Variants in KBTBD3 observed in about 807,000 individuals in gnomAD.
The protein encoded by KBTBD3 is kelch repeat and BTB domain-containing protein 3.
In KBTBD3, 38 loss-of-function variants were observed where a neutral mutation model predicts 49.6. The ratio of observed to expected loss-of-function variants is 0.77; its 90% CI spans 0.59 to 1.00. The LOEUF is 1.00. Ranked by LOEUF, KBTBD3 falls within the 50% of genes least tolerant of loss-of-function variation. The pLI, the probability that KBTBD3 is intolerant of heterozygous loss-of-function variation, is 0.00. For missense variants in KBTBD3, 661 were observed against 712.0 expected (o/e 0.93, Z 0.81); for synonymous variants, 214 against 250.4 (o/e 0.85, Z 1.37).
intron 2 of KBTBD3, among the ~76,000 whole-genome samples, chr11:106,075,233 A>G (rs113396173): frequency 2.4e-4 from 36 of 152,322 alleles, no homozygotes; most frequent in African/African-American, 8.7e-4. Flanking sequence ...CCAATGCAGT[A>G]AAAAATATTT....
chr11:106,060,163 T>C (rs1016485859), intron 2 of KBTBD3, among the ~76,000 whole-genome samples: 321 of 144,120 alleles, frequency 2.2e-3, no homozygotes, highest in African/African-American at 7.7e-3. Flanking sequence ...GTTTTTTTTT[T>C]CTGAGAACAC....
chr11:106,064,212 G>C (rs1860760104), intron 2 of KBTBD3, among the ~76,000 whole-genome samples: 1 of 152,040 alleles, frequency 6.6e-6, no homozygotes, highest in Admixed American at 6.6e-5. Flanking sequence ...ATTTGTGCCA[G>C]CCTCCCTAAC....
intron 2 of KBTBD3, among the ~76,000 whole-genome samples, chr11:106,067,642 G>A (rs773308842): frequency 2.0e-5 from 3 of 149,084 alleles, no homozygotes; most frequent in Non-Finnish European, 4.5e-5. Flanking sequence ...AAGAGATAAC[G>A]TTCATAAGTC....
chr11:106,062,230 A>G (rs775502516), intron 2 of KBTBD3, among the ~76,000 whole-genome samples: 4 of 152,162 alleles, frequency 2.6e-5, no homozygotes, highest in Non-Finnish European at 5.9e-5. Context: ...AGATAATGAA[A>G]GGCTTGGAGG....
Position 106,053,683 on chromosome 11 carries a change from T to C in KBTBD3, c.1006A>G (p.Ser336Gly). The part of the protein sequence containing the change: ...QSHLIDLPGS[S>G]LSSYGEKIFL... ...ATTTTCTCTCCGTAACTCGAAAGACTAGATCCTGGCAAATCAATCAGGTGT... is the reference window on the plus strand; with the variant it reads ...ATTTTCTCTCCGTAACTCGAAAGACCAGATCCTGGCAAATCAATCAGGTGT... The change falls in exon 4 of 4, where the codon AGT becomes GGT. Residue 336 changes from serine to glycine, a missense_variant. Ser to Gly is a moderately conservative substitution (Grantham distance 56). Coordinates refer to ENST00000531837, the MANE Select transcript of KBTBD3 (RefSeq NM_198439.3). 1.2e-6 allele frequency: 2 copies of C among 1,613,794 alleles called. No homozygotes were observed. Among genetic ancestry groups the C allele is most frequent in the South Asian group, 2.2e-5 (2 of 91,070 alleles).
At chr11:106,059,902 C>A (rs149693692) in intron 2 of KBTBD3, among the ~76,000 whole-genome samples, 13 of 152,136 alleles carry the variant, frequency 8.5e-5, no homozygotes, top group African/African-American at 2.9e-4. Flanking sequence ...AACCTTGATT[C>A]GACATTTCTG....
chr11:106,061,783 C>CAT (rs201469615), intron 2 of KBTBD3, among the ~76,000 whole-genome samples: 10 of 151,326 alleles, frequency 6.6e-5, no homozygotes, highest in South Asian at 4.2e-4. Context: ...TGTCTCTCTC[C>CAT]ATATATATAT....
intron 2 of KBTBD3, among the ~76,000 whole-genome samples, chr11:106,074,115 C>A (rs910740974): frequency 1.0e-3 from 86 of 83,790 alleles, no homozygotes; most frequent in Admixed American, 3.5e-3. Flanking sequence ...GCCGAACACC[C>A]CCCCCCACAC....
chr11:106,065,607 C>T (rs1394319789), intron 2 of KBTBD3, among the ~76,000 whole-genome samples: 3 of 151,948 alleles, frequency 2.0e-5, no homozygotes, highest in African/African-American at 7.3e-5. Context: ...AGGGAGAGAA[C>T]GGATTAGAGT....
chr11:106,058,742 G>GT (rs534533044), intron 3 of KBTBD3, 123 bp downstream of exon 3: 60,267 of 452,564 alleles, frequency 0.13, 52 homozygotes, highest in South Asian at 0.19. Context: ...TTTTGTTTTT[G>GT]TTTTTTTTTT....
intron 3 of KBTBD3, 58 bp downstream of exon 3, chr11:106,058,807 T>A: frequency 1.0e-6 from 1 of 993,606 alleles, no homozygotes; most frequent in East Asian, 2.6e-5. Context: ...GAGTGCAGTA[T>A]AAAATAGAAC....
At chr11:106,054,806 A>C (rs1339650457) in intron 3 of KBTBD3, among the ~76,000 whole-genome samples, 1 of 152,034 alleles carries the variant, frequency 6.6e-6, no homozygotes, top group East Asian at 1.9e-4. Context: ...AATTAGTAAC[A>C]GCTGTGCTGG....
At chr11:106,057,365 T>C (rs1314936103) in intron 3 of KBTBD3, 3 of 152,230 alleles carry the variant, frequency 2.0e-5, no homozygotes, top group African/African-American at 7.2e-5. Flanking sequence ...TTATTGGAGA[T>C]TTAAACCCTG....
intron 2 of KBTBD3, among the ~76,000 whole-genome samples, chr11:106,070,901 A>G (rs895487084): frequency 4.0e-5 from 6 of 151,882 alleles, no homozygotes; most frequent in Admixed American, 2.0e-4. Flanking sequence ...GTTGATACAC[A>G]TAATTTAGAT....
rs200554904 is a variant in KBTBD3, at chr11:106,052,906, G to A, written c.1783C>T (p.Gln595Ter). Reference sequence around the variant, plus strand: ...CTGTATTTATTAAACTGAATCACCTGGCAGTAAAATTCTGTTAAGGCTCTA... The same window carrying A: ...CTGTATTTATTAAACTGAATCACCTAGCAGTAAAATTCTGTTAAGGCTCTA... The part of the protein sequence containing the change: ...MPRALTEFYC[Q>*]VIQFNKYRDP... The change falls in exon 4 of 4, where the codon CAG becomes TAG. Residue 595 changes from glutamine to a stop codon, truncating the protein, a stop_gained. Transcript: ENST00000531837. LOFTEE classifies it high-confidence loss of function. 17 of 1,613,406 alleles carry A rather than the reference G, an allele frequency of 1.1e-5. No homozygotes were observed. Among genetic ancestry groups the A allele is most frequent in the Non-Finnish European group, 1.7e-6 (2 of 1,179,530 alleles).
At position 106,077,315 on chromosome 11, in the gene KBTBD3, C is replaced by G. The variant is rs1335825600; in HGVS notation, c.-217G>C. 1 of 199,682 alleles carries G rather than the reference C, an allele frequency of 5.0e-6. No homozygotes were observed. The highest frequency in any genetic ancestry group is 5.7e-5 in the Admixed American group (1 of 17,628). The allele number at this position is 199,682 out of a possible 1,614,324, so 12.4% of individuals were successfully genotyped here. Reference sequence around the variant, plus strand: ...TCAGACCCCGGAGCTCACCCACCTGCAACTGCAGTCTCCGAAGTCTCCACC... The same window carrying G: ...TCAGACCCCGGAGCTCACCCACCTGGAACTGCAGTCTCCGAAGTCTCCACC... On this transcript the variant is annotated 5_prime_UTR_variant, in exon 1 of 4. Coordinates refer to ENST00000531837, the MANE Select transcript of KBTBD3 (RefSeq NM_198439.3).
chr11:106,069,782 T>G (rs1860882969), intron 2 of KBTBD3, among the ~76,000 whole-genome samples: 1 of 151,950 alleles, frequency 6.6e-6, no homozygotes, highest in African/African-American at 2.4e-5. Flanking sequence ...TTATATGTAA[T>G]GATAAAGAAA....
Position 106,053,828 on chromosome 11 carries a change from A to G in KBTBD3, c.861T>C (p.Asp287=). The G allele has an allele frequency of 1.2e-6, 2 of 1,613,976 alleles. No individual in the cohort carries two copies. Among genetic ancestry groups the G allele is most frequent in the East Asian group, 2.2e-5 (1 of 44,872 alleles). The change falls in exon 4 of 4, where the codon GAT becomes GAC. Residue 287 remains aspartate, a synonymous_variant. Transcript: ENST00000531837. Reference sequence around the variant, plus strand: ...ATTTCTCAGTTGTGGATGGTCGAGCATCAGGGAAGAGTCCACCAGAACCTT... The same window carrying G: ...ATTTCTCAGTTGTGGATGGTCGAGCGTCAGGGAAGAGTCCACCAGAACCTT... The part of the protein sequence containing the change: ...CVQGSGGLFP[D]ARPSTTEKYI...
chr11:106,065,117 T>C (rs1860780544), intron 2 of KBTBD3, among the ~76,000 whole-genome samples: 1 of 152,106 alleles, frequency 6.6e-6, no homozygotes, highest in Admixed American at 6.5e-5. Context: ...GGGAAAAGGA[T>C]GTGGGGTAGA....
Sources: allele counts gnomAD v4.1 joint callset (sites outside exome capture counted in the v4.1 genomes callset), GRCh38; gene constraint gnomAD v4.1.1; transcripts MANE v1.5; gene names NCBI Gene and HGNC (gene_info 2026-07-23, HGNC 2026-07-21).